The following NR2F1-AS1 variants were observed in gnomAD, a reference collection of about 807,000 sequenced individuals.
NR2F1-AS1 encodes the protein NR2F1 antisense RNA 1.
intron 4 of NR2F1-AS1, among the ~76,000 whole-genome samples, chr5:93,550,406 T>C (rs139923523): frequency 8.3e-4 from 127 of 152,334 alleles, no homozygotes; most frequent in Non-Finnish European, 1.4e-3. Flanking sequence ...ATTTTTAAGT[T>C]TGCAACATCA....
chr5:93,446,914 C>G (rs1325715649), intron 4 of NR2F1-AS1, among the ~76,000 whole-genome samples: 1 of 151,720 alleles, frequency 6.6e-6, no homozygotes, highest in African/African-American at 2.4e-5. Context: ...CTACAACCAT[C>G]TGATCTTTGA....
At chr5:93,450,830 C>T (rs893437927) in intron 4 of NR2F1-AS1, among the ~76,000 whole-genome samples, 9 of 147,086 alleles carry the variant, frequency 6.1e-5, no homozygotes, top group East Asian at 2.0e-4. Context: ...CGGGAGGGAT[C>T]GCTTGAGCAG....
chr5:93,450,939 A>T (rs11740061), intron 4 of NR2F1-AS1, among the ~76,000 whole-genome samples: 3 of 148,326 alleles, frequency 2.0e-5, no homozygotes, highest in African/African-American at 7.6e-5. Context: ...AAAAAAAAAA[A>T]CAGAGAGAGA....
At chr5:93,449,863 A>C (rs1318389777) in intron 4 of NR2F1-AS1, among the ~76,000 whole-genome samples, 5 of 152,162 alleles carry the variant, frequency 3.3e-5, no homozygotes, top group Non-Finnish European at 5.9e-5. Flanking sequence ...GAGGTACTTA[A>C]TGGAAACAGT....
chr5:93,507,103 T>C (rs1303886899), intron 4 of NR2F1-AS1, among the ~76,000 whole-genome samples: 2 of 152,070 alleles, frequency 1.3e-5, no homozygotes, highest in African/African-American at 2.4e-5. Flanking sequence ...AGAAAAACCA[T>C]AAGATCATTT....
chr5:93,464,710 C>T (rs190517203), intron 4 of NR2F1-AS1, among the ~76,000 whole-genome samples: 11 of 152,194 alleles, frequency 7.2e-5, no homozygotes, highest in South Asian at 2.1e-4. Flanking sequence ...CTCCTGAAAA[C>T]GGAAACAAAT....
chr5:93,439,908 T>C (rs1322034539), intron 4 of NR2F1-AS1, among the ~76,000 whole-genome samples: 2 of 152,210 alleles, frequency 1.3e-5, no homozygotes, highest in South Asian at 4.1e-4. Flanking sequence ...AATGATATAT[T>C]TGCTTATCTC....
chr5:93,412,733 C>G (rs923873637), intron 4 of NR2F1-AS1, among the ~76,000 whole-genome samples: 2 of 152,160 alleles, frequency 1.3e-5, no homozygotes, highest in Non-Finnish European at 2.9e-5. Context: ...TTCCAGGCCC[C>G]CAGCTGTAGG....
chr5:93,481,087 TA>T (rs981051987), intron 4 of NR2F1-AS1, among the ~76,000 whole-genome samples: 2 of 151,960 alleles, frequency 1.3e-5, no homozygotes, highest in Admixed American at 1.3e-4. Context: ...AAAAATTTTT[TA>T]AAAACATGAT....
At chr5:93,556,478 A>C (rs1279025985) in intron 2 of NR2F1-AS1, among the ~76,000 whole-genome samples, 1 of 152,180 alleles carries the variant, frequency 6.6e-6, no homozygotes, top group African/African-American at 2.4e-5. Flanking sequence ...CTATGGGTTG[A>C]ATTGTTTCCC....
chr5:93,562,856 C>T (rs1299061115), intron 2 of NR2F1-AS1, among the ~76,000 whole-genome samples: 14 of 152,082 alleles, frequency 9.2e-5, no homozygotes, highest in Admixed American at 9.2e-4. Context: ...ATCTATACTT[C>T]GAGAACAATA....
intron 4 of NR2F1-AS1, among the ~76,000 whole-genome samples, chr5:93,457,847 T>C (rs1749986172): frequency 2.0e-5 from 3 of 152,174 alleles, no homozygotes; most frequent in Admixed American, 2.0e-4. Context: ...GACATCACCA[T>C]TCTATTCATC....
intron 1 of NR2F1-AS1, among the ~76,000 whole-genome samples, chr5:93,572,718 T>G (rs560892167): frequency 4.3e-4 from 65 of 152,302 alleles, no homozygotes; most frequent in Non-Finnish European, 6.9e-4. Flanking sequence ...TGGGGGTGGT[T>G]GTTGTTCTTT....
intron 4 of NR2F1-AS1, among the ~76,000 whole-genome samples, chr5:93,497,074 A>G (rs985190210): frequency 2.0e-5 from 3 of 152,148 alleles, no homozygotes; most frequent in Admixed American, 6.6e-5. Flanking sequence ...AAATTTTTGT[A>G]ATACATTCAG....
intron 4 of NR2F1-AS1, among the ~76,000 whole-genome samples, chr5:93,507,353 T>C (rs940738262): frequency 6.6e-6 from 1 of 151,874 alleles, no homozygotes; most frequent in African/African-American, 2.4e-5. Flanking sequence ...TTGTTTTGTT[T>C]TGTTTTGTTT....
intron 4 of NR2F1-AS1, among the ~76,000 whole-genome samples, chr5:93,523,925 C>A (rs1431810148): frequency 1.3e-5 from 2 of 151,926 alleles, no homozygotes; most frequent in African/African-American, 4.8e-5. Context: ...GCTGAAAATT[C>A]CAAAAAACAG....
chr5:93,575,206 G>A lies in NR2F1-AS1; in HGVS notation n.313+5261C>T, dbSNP rs62367479. The stretch of plus-strand genomic sequence containing the variant: ...AGAATTTTACTTAGAAGAACATGGG[G>A]TGGGGGGAGCATCCTCCTCTTAGGA... On this transcript the variant is annotated intron_variant and non_coding_transcript_variant, in intron 1 of 5. Coordinates refer to ENST00000660523, the Ensembl canonical transcript of NR2F1-AS1. Among the ~76,000 whole-genome samples the A allele has an allele frequency of 5.7e-3, 869 of 152,388 alleles. 9 individuals carry two copies. Among genetic ancestry groups the A allele is most frequent in the Non-Finnish European group, 7.1e-3 (480 of 68,040 alleles).
chr5:93,532,510 G>A (rs1751756537), intron 4 of NR2F1-AS1, among the ~76,000 whole-genome samples: 1 of 152,132 alleles, frequency 6.6e-6, no homozygotes, highest in Non-Finnish European at 1.5e-5. Context: ...CAAGACCTCG[G>A]TCTGAAAGGC....
At chr5:93,431,328 C>T (rs1016760858) in intron 4 of NR2F1-AS1, among the ~76,000 whole-genome samples, 1 of 152,042 alleles carries the variant, frequency 6.6e-6, no homozygotes, top group Non-Finnish European at 1.5e-5. Flanking sequence ...GGATGGGTCT[C>T]ACCAAACTGT....
Sources: gnomAD v4.1 joint callset for allele counts (sites outside exome capture counted in the v4.1 genomes callset) on GRCh38, gnomAD v4.1.1 for gene constraint, MANE v1.5 for transcripts, NCBI Gene and HGNC (gene_info 2026-07-23, HGNC 2026-07-21) for gene names.